The following SLC1A3 variants were observed in gnomAD, a reference collection of about 807,000 sequenced individuals.
SLC1A3 encodes the protein solute carrier family 1 member 3, also known as excitatory amino acid transporter 1.
Under a neutral mutation model 48.1 loss-of-function variants are expected in SLC1A3, and 21 were observed. The ratio of observed to expected loss-of-function variants is 0.44; its 90% CI spans 0.31 to 0.63. The LOEUF (loss-of-function observed/expected upper bound fraction) is 0.63. Among genes scored for constraint, SLC1A3 ranks in the 20% least tolerant of loss-of-function variants. The pLI is 0.08. For missense variants in SLC1A3, 546 were observed against 689.0 expected (o/e 0.79, Z 2.32); for synonymous variants, 239 against 251.4 (o/e 0.95, Z 0.47).
rs1454899645 is a variant in SLC1A3, at chr5:36,629,541, G to A, written c.273G>A (p.Met91Ile). 5 of 1,611,978 alleles carry A rather than the reference G, an allele frequency of 3.1e-6. No individual in the cohort carries two copies. The highest frequency in any genetic ancestry group is 4.2e-6 in the Non-Finnish European group (5 of 1,179,074). ...TTCCTGGGGAACTTCTGATGAGGAT[G>A]TTACAGATGCTGGTCTTACCACTTA... The part of the protein sequence containing the change: ...FSFPGELLMR[M>I]LQMLVLPLII... The change falls in exon 3 of 10, where the codon ATG becomes ATA. Residue 91 changes from methionine to isoleucine, a missense_variant. Coordinates refer to ENST00000265113, the MANE Select transcript of SLC1A3 (RefSeq NM_004172.5).
intron 2 of SLC1A3, among the ~76,000 whole-genome samples, chr5:36,623,040 T>C (rs1421000301): frequency 1.4e-5 from 2 of 145,854 alleles, no homozygotes; most frequent in Non-Finnish European, 3.0e-5. Context: ...AAAAAAGAAG[T>C]GTTTGTTGTT....
chr5:36,667,048 T>C (rs1025726174), intron 3 of SLC1A3, among the ~76,000 whole-genome samples: 2 of 152,228 alleles, frequency 1.3e-5, no homozygotes, highest in Non-Finnish European at 2.9e-5. Context: ...CTTAACTCAT[T>C]GTTGAACAGA....
At chr5:36,660,400 A>T (rs1218180353) in intron 3 of SLC1A3, among the ~76,000 whole-genome samples, 2 of 152,244 alleles carry the variant, frequency 1.3e-5, no homozygotes, top group Admixed American at 6.5e-5. Flanking sequence ...GAAGCTGAGA[A>T]GAAACTATGC....
chr5:36,627,753 G>T (rs1211199925), intron 2 of SLC1A3, among the ~76,000 whole-genome samples: 1 of 152,280 alleles, frequency 6.6e-6, no homozygotes, highest in East Asian at 1.9e-4. Flanking sequence ...CACACAAAGT[G>T]GTTGCCTTTG....
chr5:36,680,781 G>C (rs534252145), intron 8 of SLC1A3, among the ~76,000 whole-genome samples, 192 bp downstream of exon 8: 1 of 152,122 alleles, frequency 6.6e-6, no homozygotes, highest in Non-Finnish European at 1.5e-5. Context: ...GCCAGGCCTG[G>C]TGGCACGGGC....
Position 36,679,689 on chromosome 5 carries a change from G to C in SLC1A3, c.923G>C (p.Gly308Ala). The change falls in exon 7 of 10, where the codon GGT (glycine) becomes GCT (alanine). Residue 308 changes from glycine to alanine, a missense_variant. Physicochemically the swap from Gly to Ala is moderately conservative, Grantham distance 60. Around this residue, in one of 3 missense-constraint regions of SLC1A3, gnomAD observed 348 missense variants for 392.0 expected, o/e 0.89. Coordinates refer to ENST00000265113, the MANE Select transcript of SLC1A3 (RefSeq NM_004172.5). ...AAGATTGTGGAGATGGAAGACATGG[G>C]TGTGATTGGGGGGCAGCTTGCCATG... ...AGKIVEMEDM[G>A]VIGGQLAMYT... 6.2e-7 allele frequency: 1 copy of C among 1,614,178 alleles called. No individual in the cohort carries two copies.
chr5:36,636,181 T>C (rs1438096960), intron 3 of SLC1A3: 1 of 152,096 alleles, frequency 6.6e-6, no homozygotes, highest in Non-Finnish European at 1.5e-5. Flanking sequence ...TTGTTGAGGA[T>C]CTTTATATGC....
At chr5:36,660,032 AC>A (rs1200930988) in intron 3 of SLC1A3, among the ~76,000 whole-genome samples, 1 of 152,172 alleles carries the variant, frequency 6.6e-6, no homozygotes, top group Non-Finnish European at 1.5e-5. Flanking sequence ...TCTATTCCAT[AC>A]TTCTCTTTAA....
upstream of SLC1A3, among the ~76,000 whole-genome samples, chr5:36,604,854 G>A (rs574824763): frequency 3.8e-4 from 53 of 138,522 alleles, no homozygotes; most frequent in Admixed American, 1.0e-3. Flanking sequence ...TTTCTCTTTC[G>A]AGTTCCCTTG....
At chr5:36,615,464 T>A (rs1453734916) in intron 2 of SLC1A3, among the ~76,000 whole-genome samples, 2 of 152,248 alleles carry the variant, frequency 1.3e-5, no homozygotes, top group African/African-American at 4.8e-5. Context: ...CCATTCTGGC[T>A]GGTCTCTCCA....
intron 2 of SLC1A3, among the ~76,000 whole-genome samples, chr5:36,628,495 T>A (rs1862638): frequency 0.18 from 27,833 of 151,980 alleles, 3,698 homozygotes; most frequent in African/African-American, 0.37. Flanking sequence ...TGGACTTTTT[T>A]AAAAAATGGA....
At chr5:36,642,071 G>T (rs1196213703) in intron 3 of SLC1A3, among the ~76,000 whole-genome samples, 1 of 152,194 alleles carries the variant, frequency 6.6e-6, no homozygotes, top group African/African-American at 2.4e-5. Flanking sequence ...TCTTAAAATT[G>T]AGAGAATTCA....
intron 2 of SLC1A3, among the ~76,000 whole-genome samples, chr5:36,618,980 G>T (rs558490825): frequency 3.9e-5 from 6 of 152,226 alleles, no homozygotes; most frequent in African/African-American, 1.4e-4. Flanking sequence ...AAACTCCAAG[G>T]TTCTTCTGAT....
rs187608142 is a variant in SLC1A3, at chr5:36,658,120, C to T, written c.320-12909C>T. On this transcript the variant is annotated intron_variant, in intron 3 of 9. Coordinates refer to ENST00000265113, the MANE Select transcript of SLC1A3 (RefSeq NM_004172.5). Reference sequence around the variant, plus strand: ...TTAAATAGAGAGTCAGACAGGTACACGCATGACTATAAAACAAAGCGCCCC... The same window carrying T: ...TTAAATAGAGAGTCAGACAGGTACATGCATGACTATAAAACAAAGCGCCCC... Among the ~76,000 whole-genome samples, 287 of 152,222 alleles carry T rather than the reference C, an allele frequency of 1.9e-3. 2 individuals carry two copies. Among genetic ancestry groups the T allele is most frequent in the African/African-American group, 5.6e-3 (231 of 41,524 alleles).
intron 1 of SLC1A3, among the ~76,000 whole-genome samples, chr5:36,598,921 C>T (rs139720507): frequency 1.3e-5 from 2 of 152,226 alleles, no homozygotes; most frequent in Non-Finnish European, 2.9e-5. Context: ...AGCCATGGTG[C>T]CCAACCAAAA....
At position 36,664,485 on chromosome 5, in the gene SLC1A3, G is replaced by C. The variant is rs1340639090; in HGVS notation, c.320-6544G>C. Among the ~76,000 whole-genome samples, 4 of 149,720 alleles carry C rather than the reference G, an allele frequency of 2.7e-5. No homozygotes were observed. The Admixed American group carries it at 2.7e-4, about 10-fold the overall frequency. ...ATTAACCAAATGGGGGTTTATGCCA[G>C]TGTTTACAAACATTTTTTTTTTTAC... is the stretch of plus-strand genomic sequence containing the variant. On this transcript the variant is annotated intron_variant, in intron 3 of 9. Coordinates refer to ENST00000265113, the MANE Select transcript of SLC1A3 (RefSeq NM_004172.5).
At chr5:36,683,255 C>T (rs2111980176) in intron 8 of SLC1A3, among the ~76,000 whole-genome samples, 1 of 152,268 alleles carries the variant, frequency 6.6e-6, no homozygotes, top group Non-Finnish European at 1.5e-5. Context: ...GTATAGCTGC[C>T]AGTTTATTTA....
chr5:36,629,663 T>G, intron 3 of SLC1A3, 76 bp downstream of exon 3: 1 of 1,307,290 alleles, frequency 7.6e-7, no homozygotes, highest in Non-Finnish European at 1.1e-6. Context: ...GAAAAGCCAG[T>G]GCTTTAGGTT....
chr5:36,683,523 A>G (rs1396946195), intron 8 of SLC1A3, among the ~76,000 whole-genome samples: 1 of 152,106 alleles, frequency 6.6e-6, no homozygotes, highest in Non-Finnish European at 1.5e-5. Flanking sequence ...AACCTGGCTA[A>G]CATGGTGAAA....
Sources: gnomAD v4.1 joint callset for allele counts (sites outside exome capture counted in the v4.1 genomes callset) on GRCh38, gnomAD v4.1.1 for gene constraint, gnomAD v4.1.1 regional missense constraint, MANE v1.5 for transcripts, NCBI Gene and HGNC (gene_info 2026-07-23, HGNC 2026-07-21) for gene names.